FLACC1: variants seen among roughly 807,000 people sequenced by gnomAD.
FLACC1 encodes flagellum associated containing coiled-coil domains 1.
A neutral mutation model predicts 62.8 loss-of-function variants in FLACC1; 66 were observed. The ratio of observed to expected loss-of-function variants is 1.05; its 90% CI spans 0.86 to 1.29. The LOEUF (loss-of-function observed/expected upper bound fraction) is 1.29, where lower values mean the gene tolerates loss of function less well. FLACC1 is among the 50% of genes most tolerant of loss of function. The pLI, the probability that FLACC1 is intolerant of heterozygous loss-of-function variation, is 0.00. For missense variants in FLACC1, 452 were observed against 489.1 expected (o/e 0.92, Z 0.71); for synonymous variants, 156 against 161.0 (o/e 0.97, Z 0.24).
chr2:201,342,563 C>A, intron 6 of FLACC1, 132 bp from the exon 7 acceptor site: 1 of 798,038 alleles, frequency 1.3e-6, no homozygotes, highest in Non-Finnish European at 2.1e-6. Context: ...CCCCTTCCCA[C>A]CCCTCTTCCA....
In FLACC1 at chr2:201,298,744, C is replaced by A. The variant is rs555484739; in HGVS notation, c.942+494G>T. ...TCAGTGATGGAAGAATCACACATCA[C>A]CTTGTGGATTTGAACGGCTCCTCTT... is the stretch of plus-strand genomic sequence containing the variant. On this transcript the variant is annotated intron_variant, in intron 12 of 14. Transcript: ENST00000392257. 2.6e-5 allele frequency among the ~76,000 whole-genome samples: 4 copies of A among 152,316 alleles called. No individual in the cohort carries two copies. In the East Asian group the frequency reaches 5.8e-4, roughly 22 times the overall value.
intron 9 of FLACC1, among the ~76,000 whole-genome samples, chr2:201,325,120 T>TCTCAAAAACTCAAA (rs2125586418): frequency 6.6e-6 from 1 of 151,904 alleles, no homozygotes; most frequent in South Asian, 2.1e-4. Flanking sequence ...GTTGACAGAG[T>TCTCAAAAACTCAAA]GAGACTGTCT....
intron 8 of FLACC1, 55 bp from the exon 9 acceptor site, chr2:201,330,577 C>G (rs1950573225): frequency 1.3e-6 from 2 of 1,581,480 alleles, no homozygotes; most frequent in Non-Finnish European, 1.7e-6. Context: ...TGCACATTTT[C>G]AAATTCAAAT....
At chr2:201,342,264 A>T in intron 7 of FLACC1, 106 bp downstream of exon 7, 1 of 1,109,060 alleles carries the variant, frequency 9.0e-7, no homozygotes, top group East Asian at 2.5e-5. Context: ...TTCATCCCCC[A>T]ACTCCATTTA....
intron 1 of FLACC1, among the ~76,000 whole-genome samples, chr2:201,355,402 T>C (rs2125629056): frequency 6.6e-6 from 1 of 152,324 alleles, no homozygotes; most frequent in East Asian, 1.9e-4. Flanking sequence ...ACATTTGCAT[T>C]CAAAAGCCAG....
chr2:201,319,461 T>C (rs1230607460), intron 9 of FLACC1, among the ~76,000 whole-genome samples: 1 of 152,138 alleles, frequency 6.6e-6, no homozygotes, highest in Non-Finnish European at 1.5e-5. Flanking sequence ...GGAAAGAATT[T>C]ATGACTAAGT....
At chr2:201,317,153 C>T (rs1387266389) in intron 9 of FLACC1, among the ~76,000 whole-genome samples, 1 of 152,142 alleles carries the variant, frequency 6.6e-6, no homozygotes, top group Non-Finnish European at 1.5e-5. Flanking sequence ...CAAGGATGCC[C>T]ACTCTCACCA....
chr2:201,343,573 C>T (rs888831522), intron 6 of FLACC1, among the ~76,000 whole-genome samples: 4 of 152,104 alleles, frequency 2.6e-5, no homozygotes, highest in Non-Finnish European at 4.4e-5. Context: ...GGGTGGGGTT[C>T]AACAACCCTG....
At chr2:201,306,217 CA>C (rs1950103435) in intron 11 of FLACC1, among the ~76,000 whole-genome samples, 1 of 151,954 alleles carries the variant, frequency 6.6e-6, no homozygotes, top group Non-Finnish European at 1.5e-5. Context: ...GCCTGTCTTA[CA>C]TAGCTGGAAC....
rs544287295 is a variant in FLACC1, at chr2:201,309,010, T to C, written c.775+141A>G. Reference sequence around the variant, plus strand: ...TGTCATTTTGCTTTCATGAAAACTCTGGGCACCTTCCATTCAGGTATCTAG... The same window carrying C: ...TGTCATTTTGCTTTCATGAAAACTCCGGGCACCTTCCATTCAGGTATCTAG... On this transcript the variant is annotated intron_variant, in intron 10 of 14. Transcript: ENST00000392257. The C allele has an allele frequency of 9.0e-5, 63 of 702,088 alleles. No individual in the cohort carries two copies. The African/African-American group carries it at 9.6e-4, about 11-fold the overall frequency. The allele number at this position is 702,088 out of a possible 1,614,324, so 43.5% of individuals were successfully genotyped here. A position where few individuals can be genotyped will look rare whatever the true frequency, so the allele number is the denominator to read the frequency against.
chr2:201,345,804 T>C (rs1426865017), intron 5 of FLACC1, among the ~76,000 whole-genome samples: 1 of 152,142 alleles, frequency 6.6e-6, no homozygotes, highest in East Asian at 1.9e-4. Context: ...GCTAATGGGT[T>C]AGAGTCAGGC....
chr2:201,333,903 C>T (rs2125597986), intron 7 of FLACC1, among the ~76,000 whole-genome samples: 1 of 152,218 alleles, frequency 6.6e-6, no homozygotes, highest in Non-Finnish European at 1.5e-5. Context: ...GATTTATAAT[C>T]CTTTGGGTAT....
chr2:201,330,910 T>C, intron 7 of FLACC1, 77 bp from the exon 8 acceptor site: 1 of 1,085,914 alleles, frequency 9.2e-7, no homozygotes. Context: ...GATCTGATCC[T>C]ACCCTCCACC....
At chr2:201,356,186 G>C (rs1198015531) in intron 1 of FLACC1, among the ~76,000 whole-genome samples, 3 of 152,162 alleles carry the variant, frequency 2.0e-5, no homozygotes, top group Non-Finnish European at 4.4e-5. Flanking sequence ...TTGAGACGGA[G>C]TTTTGCTCTT....
intron 12 of FLACC1, among the ~76,000 whole-genome samples, chr2:201,295,233 G>A (rs1949832706): frequency 6.6e-6 from 1 of 152,170 alleles, no homozygotes; most frequent in Non-Finnish European, 1.5e-5. Context: ...AACAAAGCTG[G>A]AGGCATCTCG....
chr2:201,362,315 GT>G (rs1342288876), upstream of FLACC1, among the ~76,000 whole-genome samples: 1 of 149,960 alleles, frequency 6.7e-6, no homozygotes, highest in African/African-American at 2.5e-5. Flanking sequence ...TGGATACTGA[GT>G]TTTTTTAAAA....
rs191511264 is a variant in FLACC1, at chr2:201,325,242, G to A, written c.675+5228C>T. On this transcript the variant is annotated intron_variant, in intron 9 of 14. Coordinates refer to ENST00000392257, the MANE Select transcript of FLACC1 (RefSeq NM_001127391.3). ...GTCTGAAAGAGCACAAATTGACAAT[G>A]TCACACTGCAAGGAACTGGAGAAAC... Among the ~76,000 whole-genome samples the A allele has an allele frequency of 1.0e-3, 153 of 152,224 alleles. 1 individual carries two copies. The highest frequency in any genetic ancestry group is 1.8e-3 in the Non-Finnish European group (124 of 68,026).
intron 9 of FLACC1, among the ~76,000 whole-genome samples, chr2:201,313,517 C>T (rs1028200289): frequency 6.6e-6 from 1 of 152,150 alleles, no homozygotes; most frequent in African/African-American, 2.4e-5. Context: ...TTCCATTTAC[C>T]TGGGAACCAC....
chr2:201,349,232 G>C (rs1950977447), intron 3 of FLACC1, among the ~76,000 whole-genome samples: 1 of 152,122 alleles, frequency 6.6e-6, no homozygotes, highest in African/African-American at 2.4e-5. Flanking sequence ...ACTGGCTTCT[G>C]CCTTCCTGGA....
Sources: gnomAD v4.1 joint callset for allele counts (sites outside exome capture counted in the v4.1 genomes callset) on GRCh38, gnomAD v4.1.1 for gene constraint, MANE v1.5 for transcripts, NCBI Gene and HGNC (gene_info 2026-07-23, HGNC 2026-07-21) for gene names.